Variants in TMEM108 observed in about 807,000 individuals in gnomAD.
TMEM108 encodes the protein cancer/testis antigen 124.
Under a neutral mutation model 35.1 loss-of-function variants are expected in TMEM108, and 12 were observed. The observed-to-expected ratio is 0.34, with a 90% CI of 0.22 to 0.55. The LOEUF (loss-of-function observed/expected upper bound fraction) is 0.55. Among genes scored for constraint, TMEM108 ranks in the 20% least tolerant of loss-of-function variants. TMEM108 has a pLI of 0.89. For missense variants in TMEM108, 680 were observed against 753.3 expected (o/e 0.90, Z 1.14); for synonymous variants, 287 against 308.6 (o/e 0.93, Z 0.73).
chr3:133,191,415 C>G (rs1352001725), intron 2 of TMEM108, among the ~76,000 whole-genome samples: 1 of 152,160 alleles, frequency 6.6e-6, no homozygotes, highest in Non-Finnish European at 1.5e-5. Flanking sequence ...ATGAAAGTCA[C>G]TATATCTGGC....
At chr3:133,282,162 AAAAT>A (rs1433634190) in intron 3 of TMEM108, among the ~76,000 whole-genome samples, 1 of 152,230 alleles carries the variant, frequency 6.6e-6, no homozygotes, top group Non-Finnish European at 1.5e-5. Context: ...GTCTCAAAAA[AAAAT>A]AAATAAAATA....
intron 4 of TMEM108, chr3:133,389,685 AAAAAAAAAAAAAAAAG>A (rs547846916): frequency 0.048 from 7,086 of 146,184 alleles, 360 homozygotes; most frequent in African/African-American, 0.13. Flanking sequence ...GACTCCATCA[AAAAAAAAAAAAAAAAG>A]AAAAAAAAAA....
intron 1 of TMEM108, among the ~76,000 whole-genome samples, chr3:133,042,103 C>T (rs1362304447): frequency 6.6e-6 from 1 of 152,184 alleles, no homozygotes; most frequent in Non-Finnish European, 1.5e-5. Context: ...GTTAATTCAT[C>T]CATCCACCTA....
At chr3:133,073,156 A>G (rs945494928) in intron 2 of TMEM108, among the ~76,000 whole-genome samples, 3 of 152,104 alleles carry the variant, frequency 2.0e-5, no homozygotes, top group African/African-American at 4.8e-5. Flanking sequence ...ACTCTCATCA[A>G]TTTTGAAGTA....
intron 2 of TMEM108, among the ~76,000 whole-genome samples, chr3:133,094,876 C>T (rs1559830589): frequency 6.6e-6 from 1 of 152,056 alleles, no homozygotes; most frequent in African/African-American, 2.4e-5. Context: ...CAAATATTTC[C>T]TCTACTGGAT....
At chr3:133,105,297 A>G (rs907986325) in intron 2 of TMEM108, among the ~76,000 whole-genome samples, 4 of 152,084 alleles carry the variant, frequency 2.6e-5, no homozygotes, top group Admixed American at 6.6e-5. Flanking sequence ...GAGGCTGTCC[A>G]TGTTCCTTGG....
intron 2 of TMEM108, among the ~76,000 whole-genome samples, chr3:133,177,544 A>G (rs1412904390): frequency 6.6e-6 from 1 of 152,244 alleles, no homozygotes; most frequent in Non-Finnish European, 1.5e-5. Flanking sequence ...TCCAGCATAT[A>G]AACAGAACCA....
chr3:133,386,517 C>A, intron 4 of TMEM108: 3 of 1,534,172 alleles, frequency 2.0e-6, no homozygotes, highest in South Asian at 1.2e-5. Flanking sequence ...TTCTTCCTGT[C>A]ACACATCTGA....
At chr3:133,099,209 C>G (rs1384038416) in intron 2 of TMEM108, among the ~76,000 whole-genome samples, 1 of 152,206 alleles carries the variant, frequency 6.6e-6, no homozygotes, top group African/African-American at 2.4e-5. Flanking sequence ...GGGAATCCAC[C>G]CTCTGAAGCC....
At chr3:133,105,488 A>G (rs1944138509) in intron 2 of TMEM108, among the ~76,000 whole-genome samples, 1 of 152,102 alleles carries the variant, frequency 6.6e-6, no homozygotes, top group African/African-American at 2.4e-5. Flanking sequence ...TGATTACATT[A>G]GGCCTACCCT....
At chr3:133,303,866 T>C (rs1357994174) in intron 3 of TMEM108, among the ~76,000 whole-genome samples, 1 of 152,230 alleles carries the variant, frequency 6.6e-6, no homozygotes, top group African/African-American at 2.4e-5. Flanking sequence ...AAGCAGGAAA[T>C]TGGAGTCTCT....
chr3:133,147,875 C>T (rs759011402), intron 2 of TMEM108, among the ~76,000 whole-genome samples: 15 of 151,998 alleles, frequency 9.9e-5, no homozygotes, highest in African/African-American at 1.5e-4. Context: ...TCAGTATGAA[C>T]TCCTGTTTAT....
At chr3:133,354,883 T>TAA (rs3055470) in intron 3 of TMEM108, among the ~76,000 whole-genome samples, 36 of 149,766 alleles carry the variant, frequency 2.4e-4, no homozygotes, top group East Asian at 9.7e-4. Context: ...AGCACATGTT[T>TAA]AAAAAAAAAA....
chr3:133,142,823 A>G (rs1576341892), intron 2 of TMEM108, among the ~76,000 whole-genome samples: 1 of 152,170 alleles, frequency 6.6e-6, no homozygotes, highest in African/African-American at 2.4e-5. Context: ...ACAGTGTTCT[A>G]AATGCTTTAC....
intron 3 of TMEM108, among the ~76,000 whole-genome samples, chr3:133,336,666 G>T (rs997530515): frequency 6.6e-6 from 1 of 151,872 alleles, no homozygotes; most frequent in Non-Finnish European, 1.5e-5. Flanking sequence ...GAAAAGTGGA[G>T]GGAAAAGTAA....
chr3:133,121,926 A>T (rs1330181723), intron 2 of TMEM108, among the ~76,000 whole-genome samples: 1 of 152,114 alleles, frequency 6.6e-6, no homozygotes, highest in African/African-American at 2.4e-5. Flanking sequence ...ATATTATACC[A>T]TGGTTTCCAT....
At chr3:133,294,613 T>C (rs1408841001) in intron 3 of TMEM108, among the ~76,000 whole-genome samples, 3 of 152,206 alleles carry the variant, frequency 2.0e-5, no homozygotes, top group Admixed American at 6.5e-5. Context: ...AGTAGCAATA[T>C]TGAGATGTAT....
At chr3:133,210,907 A>G (rs1385318406) in intron 2 of TMEM108, among the ~76,000 whole-genome samples, 1 of 152,184 alleles carries the variant, frequency 6.6e-6, no homozygotes, top group African/African-American at 2.4e-5. Flanking sequence ...CTTGACATAA[A>G]TGATGTATTT....
At chr3:133,089,843 C>T (rs1943927386) in intron 2 of TMEM108, among the ~76,000 whole-genome samples, 1 of 152,310 alleles carries the variant, frequency 6.6e-6, no homozygotes, top group South Asian at 2.1e-4. Context: ...GATTTGTTTG[C>T]TGGCTGTATA....
Sources: allele counts gnomAD v4.1 joint callset (sites outside exome capture counted in the v4.1 genomes callset), GRCh38; gene constraint gnomAD v4.1.1; transcripts MANE v1.5; gene names NCBI Gene and HGNC (gene_info 2026-07-23, HGNC 2026-07-21).